The following SSH2 variants were observed in gnomAD, a reference collection of about 807,000 sequenced individuals.
SSH2 encodes slingshot protein phosphatase 2.
Under a neutral mutation model 135.2 loss-of-function variants are expected in SSH2, and 37 were observed. The ratio of observed to expected loss-of-function variants is 0.27; its 90% CI spans 0.21 to 0.36. SSH2 has a LOEUF of 0.36. SSH2 is among the 10% of genes least tolerant of loss of function. SSH2 has a pLI of 1.00. For synonymous variants in SSH2, 628 were observed against 646.2 expected (o/e 0.97, Z 0.43); for missense variants, 1,408 against 1,765.3 (o/e 0.80, Z 3.63).
chr17:29,693,972 T>C (rs1219268073), intron 5 of SSH2, among the ~76,000 whole-genome samples: 1 of 152,224 alleles, frequency 6.6e-6, no homozygotes, highest in African/African-American at 2.4e-5. Flanking sequence ...GGAGAGGTAC[T>C]ACCTTTAGTT....
At chr17:29,714,320 T>TA (rs142979544) in intron 3 of SSH2, among the ~76,000 whole-genome samples, 3,342 of 152,118 alleles carry the variant, frequency 0.022, 127 homozygotes, top group African/African-American at 0.074. Context: ...GTTCAGCATT[T>TA]AAAAAATAAT....
chr17:29,851,656 G>A (rs551558416), intron 1 of SSH2, among the ~76,000 whole-genome samples: 7 of 152,010 alleles, frequency 4.6e-5, no homozygotes, highest in African/African-American at 1.7e-4. Context: ...CCCAGGAGTT[G>A]GAAACCTGCC....
intron 2 of SSH2, among the ~76,000 whole-genome samples, chr17:29,803,933 T>C (rs2042295109): frequency 6.6e-6 from 1 of 152,208 alleles, no homozygotes; most frequent in Non-Finnish European, 1.5e-5. Context: ...ACACACAGTA[T>C]GGTCCAGGAC....
chr17:29,813,995 G>T (rs1244444273), intron 2 of SSH2, among the ~76,000 whole-genome samples: 1 of 142,210 alleles, frequency 7.0e-6, no homozygotes, highest in African/African-American at 2.6e-5. Context: ...AGCCAGGCGT[G>T]GTGGCGCGCT....
At chr17:29,877,281 A>T (rs2066051536) in intron 1 of SSH2, among the ~76,000 whole-genome samples, 1 of 152,250 alleles carries the variant, frequency 6.6e-6, no homozygotes, top group African/African-American at 2.4e-5. Context: ...ATCGGAATGT[A>T]AATTAATACA....
At chr17:29,821,029 C>T (rs1489213223) in intron 2 of SSH2, among the ~76,000 whole-genome samples, 1 of 152,114 alleles carries the variant, frequency 6.6e-6, no homozygotes, top group African/African-American at 2.4e-5. Flanking sequence ...TCAAGTTATT[C>T]TTAGCACTGC....
At chr17:29,880,062 T>C (rs1221643377) in intron 1 of SSH2, among the ~76,000 whole-genome samples, 1 of 152,206 alleles carries the variant, frequency 6.6e-6, no homozygotes, top group Non-Finnish European at 1.5e-5. Context: ...TTCTAGTCAT[T>C]CATTCGATTA....
intron 2 of SSH2, among the ~76,000 whole-genome samples, chr17:29,808,894 G>C (rs569392706): frequency 6.6e-6 from 1 of 152,220 alleles, no homozygotes; most frequent in Admixed American, 6.5e-5. Context: ...ACTTTTGAGA[G>C]GCTAAGGCTA....
chr17:29,757,224 T>C (rs2041157318), intron 3 of SSH2, among the ~76,000 whole-genome samples: 1 of 152,214 alleles, frequency 6.6e-6, no homozygotes, highest in African/African-American at 2.4e-5. Flanking sequence ...AATCAGGTCT[T>C]AGAAATAACA....
chr17:29,800,862 CT>C (rs917782999), intron 2 of SSH2, among the ~76,000 whole-genome samples: 65 of 141,934 alleles, frequency 4.6e-4, no homozygotes, highest in African/African-American at 9.9e-4. Context: ...GTCTTTTTTT[CT>C]TTTTTTTTTT....
intron 1 of SSH2, among the ~76,000 whole-genome samples, chr17:29,876,363 G>C (rs1354796005): frequency 6.6e-6 from 1 of 152,108 alleles, no homozygotes; most frequent in Non-Finnish European, 1.5e-5. Context: ...ACTCATTTTT[G>C]GGAAAGGTGT....
At chr17:29,906,211 A>T (rs2151466353) in intron 1 of SSH2, among the ~76,000 whole-genome samples, 1 of 152,212 alleles carries the variant, frequency 6.6e-6, no homozygotes, top group East Asian at 1.9e-4. Context: ...ACACCCAAAG[A>T]TCCCGTAACA....
rs1295478105 is a variant in SSH2 at position 29,630,344 on chromosome 17, G to C, written c.*497C>G. 6.6e-6 allele frequency: 1 copy of C among 152,510 alleles called. No homozygotes were observed. The highest frequency in any genetic ancestry group is 1.5e-5 in the Non-Finnish European group (1 of 68,302). 9.4% of individuals were successfully genotyped at this position (152,510 alleles called of 1,614,324 possible). A position where few individuals can be genotyped will look rare whatever the true frequency, so the allele number is the denominator to read the frequency against. ...CAGGAACTCTAAAGGGCTGCGGCTG[G>C]ATGAAGGCTGAGAGCCCTCTGACTT... On this transcript the variant is annotated 3_prime_UTR_variant, in exon 16 of 16. Coordinates refer to ENST00000540801, the MANE Select transcript of SSH2 (RefSeq NM_001282129.2).
At position 29,631,020 on chromosome 17, in the gene SSH2, A is replaced by G; in HGVS notation, c.4174T>C (p.Leu1392=). 6.2e-7 allele frequency: 1 copy of G among 1,614,100 alleles called. No individual in the cohort carries two copies. Reference sequence around the variant, plus strand: ...GGAAGGCCTCCTTCAGAACTAGTCAATTCAAGTCCTGCCCTGGGGAGCAAA... The same window carrying G: ...GGAAGGCCTCCTTCAGAACTAGTCAGTTCAAGTCCTGCCCTGGGGAGCAAA... The part of the protein sequence containing the change: ...QYLLPRAGLE[L]TSSEGGLPVL... The change falls in exon 16 of 16, where the codon TTG becomes CTG. Residue 1392 remains leucine, a synonymous_variant. Transcript: ENST00000540801.
intron 1 of SSH2, chr17:29,925,434 A>G (rs1248208699): frequency 5.0e-6 from 2 of 398,262 alleles, no homozygotes; most frequent in East Asian, 3.6e-5. Flanking sequence ...TGAAAATTGT[A>G]GCCGGTCACA....
At chr17:29,719,770 T>C (rs932772490) in intron 3 of SSH2, among the ~76,000 whole-genome samples, 1 of 152,222 alleles carries the variant, frequency 6.6e-6, no homozygotes, top group African/African-American at 2.4e-5. Context: ...TTTTCTTCTT[T>C]TTTGAGACAG....
chr17:29,873,355 T>TC (rs549131940), intron 1 of SSH2, among the ~76,000 whole-genome samples: 14 of 152,110 alleles, frequency 9.2e-5, no homozygotes, highest in African/African-American at 3.4e-4. Flanking sequence ...GGTCAGGAGT[T>TC]CGAGACCAGT....
At chr17:29,633,097 C>A (rs532927284) in intron 15 of SSH2, among the ~76,000 whole-genome samples, 166 bp from the exon 16 acceptor site, 1 of 152,252 alleles carries the variant, frequency 6.6e-6, no homozygotes, top group African/African-American at 2.4e-5. Context: ...TGTCAGACTA[C>A]AAGAAAAAAC....
chr17:29,689,135 G>A (rs936214807), intron 5 of SSH2, among the ~76,000 whole-genome samples: 8 of 149,436 alleles, frequency 5.4e-5, no homozygotes, highest in African/African-American at 2.0e-4. Context: ...TCCAGCCTGG[G>A]CGACAGGGCA....
Sources: gnomAD v4.1 joint callset for allele counts (sites outside exome capture counted in the v4.1 genomes callset) on GRCh38, gnomAD v4.1.1 for gene constraint, MANE v1.5 for transcripts, NCBI Gene and HGNC (gene_info 2026-07-23, HGNC 2026-07-21) for gene names.